Variants in RSPH9 observed in about 807,000 individuals in gnomAD.
The protein encoded by RSPH9 is radial spoke head protein 9 homolog.
Under a neutral mutation model 27.0 loss-of-function variants are expected in RSPH9, and 27 were observed. The ratio of observed to expected loss-of-function variants is 1.00; its 90% CI spans 0.74 to 1.38. RSPH9 has a LOEUF of 1.38. Among genes scored for constraint, RSPH9 ranks in the 40% most tolerant of loss-of-function variants. The pLI is 0.00. For missense variants in RSPH9, 347 were observed against 357.4 expected (o/e 0.97, Z 0.24); for synonymous variants, 145 against 147.7 (o/e 0.98, Z 0.13).
intron 4 of RSPH9, among the ~76,000 whole-genome samples, chr6:43,668,502 C>T (rs561263462): frequency 7.5e-4 from 114 of 152,298 alleles, no homozygotes; most frequent in African/African-American, 2.6e-3. Flanking sequence ...GCCAGTTTCT[C>T]CTTGCTCTCT....
chr6:43,667,211 T>C (rs1210298517), intron 4 of RSPH9, among the ~76,000 whole-genome samples: 1 of 151,996 alleles, frequency 6.6e-6, no homozygotes, highest in Non-Finnish European at 1.5e-5. Flanking sequence ...AAACAGAGGA[T>C]GGGAAAGGGA....
chr6:43,670,710 G>C (rs1773632391), intron 4 of RSPH9, 79 bp from the exon 5 acceptor site: 2 of 1,360,716 alleles, frequency 1.5e-6, no homozygotes, highest in African/African-American at 2.9e-5. Context: ...GCTGCCCAAG[G>C]AGCCAGGGGC....
chr6:43,660,039 C>CTTTTTTT (rs1163299257), intron 4 of RSPH9, among the ~76,000 whole-genome samples: 4 of 109,352 alleles, frequency 3.7e-5, no homozygotes, highest in Non-Finnish European at 3.7e-5. Flanking sequence ...CCAGCCTGGC[C>CTTTTTTT]TTTTTTTTTT....
At chr6:43,652,067 G>A (rs1172825465) in intron 2 of RSPH9, among the ~76,000 whole-genome samples, 1 of 151,710 alleles carries the variant, frequency 6.6e-6, no homozygotes, top group Non-Finnish European at 1.5e-5. Flanking sequence ...AGCACTTTGG[G>A]AGGCTGAGGC....
chr6:43,662,064 G>A (rs78323348), intron 4 of RSPH9, among the ~76,000 whole-genome samples: 5,662 of 152,060 alleles, frequency 0.037, 240 homozygotes, highest in East Asian at 0.21. Context: ...ATTTCTTGTA[G>A]ACACAGGGTC....
chr6:43,659,622 T>C (rs1772403261), intron 4 of RSPH9, among the ~76,000 whole-genome samples: 1 of 152,148 alleles, frequency 6.6e-6, no homozygotes, highest in African/African-American at 2.4e-5. Context: ...GACCTCGTGA[T>C]CCGCCTGCCT....
In RSPH9 at chr6:43,655,624, C is replaced by T. The variant is rs750609663; in HGVS notation, c.456C>T (p.Ala152=). 6.2e-7 allele frequency: 1 copy of T among 1,614,216 alleles called. No homozygotes were observed. The highest frequency in any genetic ancestry group is 2.2e-5 in the East Asian group (1 of 44,878). ...TTGACCAGATTGACAAGGCTGTGGCCATCATCCCCCGAGGCGCCCTCTTCA... is the reference window on the plus strand; with the variant it reads ...TTGACCAGATTGACAAGGCTGTGGCTATCATCCCCCGAGGCGCCCTCTTCA... ...SVIDQIDKAV[A]IIPRGALFKT... The change falls in exon 3 of 5, where the codon GCC becomes GCT. Residue 152 remains alanine, a synonymous_variant. Coordinates refer to ENST00000372163, the MANE Select transcript of RSPH9 (RefSeq NM_152732.5).
At chr6:43,647,321 G>A (rs1024064596) in intron 1 of RSPH9, among the ~76,000 whole-genome samples, 25 of 152,162 alleles carry the variant, frequency 1.6e-4, no homozygotes, top group Admixed American at 1.6e-3. Flanking sequence ...AGGCCATGAG[G>A]AGCTACTGAG....
In RSPH9 at chr6:43,670,783, T is replaced by C. The variant is rs1352803039; in HGVS notation, c.671-6T>C. 2 of 1,613,956 alleles carry C rather than the reference T, an allele frequency of 1.2e-6. No individual in the cohort carries two copies. The highest frequency in any genetic ancestry group is 2.2e-5 in the South Asian group (2 of 91,076). On this transcript the variant is annotated splice_polypyrimidine_tract_variant and splice_region_variant and intron_variant, in intron 4 of 4. Coordinates refer to ENST00000372163, the MANE Select transcript of RSPH9 (RefSeq NM_152732.5). ...CAGGCCTCACCTCCTGCCTGTCTTA[T>C]CTCAGGGTCCTGGAGCATCCAGATG...
chr6:43,657,784 T>TA (rs1772176864), intron 4 of RSPH9, among the ~76,000 whole-genome samples: 1 of 152,164 alleles, frequency 6.6e-6, no homozygotes, highest in South Asian at 2.1e-4. Context: ...TCCTCATTTC[T>TA]AAAAAGGGGA....
chr6:43,645,084 G>T lies in RSPH9; in HGVS notation c.-15G>T, dbSNP rs753520788. ...CCTAGCAACTCGACGGGCGTTGAGCGGAGCCGCTGACCTGATGGACGCCGA... is the reference window on the plus strand; with the variant it reads ...CCTAGCAACTCGACGGGCGTTGAGCTGAGCCGCTGACCTGATGGACGCCGA... On this transcript the variant is annotated 5_prime_UTR_variant, in exon 1 of 5. Coordinates refer to ENST00000372163, the MANE Select transcript of RSPH9 (RefSeq NM_152732.5). 2.8e-5 allele frequency: 45 copies of T among 1,607,186 alleles called. No homozygotes were observed. Among genetic ancestry groups the T allele is most frequent in the Non-Finnish European group, 3.6e-5 (42 of 1,178,368 alleles).
chr6:43,649,239 G>A (rs1771195001), intron 1 of RSPH9, among the ~76,000 whole-genome samples: 1 of 152,000 alleles, frequency 6.6e-6, no homozygotes, highest in African/African-American at 2.4e-5. Context: ...GCCCAGGCTG[G>A]ATTCCAATGG....
intron 4 of RSPH9, among the ~76,000 whole-genome samples, chr6:43,663,027 C>T (rs945011877): frequency 6.6e-6 from 1 of 151,496 alleles, no homozygotes; most frequent in Admixed American, 6.6e-5. Flanking sequence ...CAAACTCCTG[C>T]ACTCAAACAG....
chr6:43,658,914 C>A (rs529700856), intron 4 of RSPH9, among the ~76,000 whole-genome samples: 25 of 152,234 alleles, frequency 1.6e-4, no homozygotes, highest in Admixed American at 4.6e-4. Flanking sequence ...GTCTCGATTT[C>A]TTGACCTCGT....
At position 43,672,486 on chromosome 6, in the gene RSPH9, T is replaced by C. The variant is rs1352744033; in HGVS notation, c.*1537T>C. On this transcript the variant is annotated 3_prime_UTR_variant, in exon 5 of 5. Coordinates refer to ENST00000372163, the MANE Select transcript of RSPH9 (RefSeq NM_152732.5). The stretch of plus-strand genomic sequence containing the variant: ...GGTGGGGAAAGATGGCTGCCGCCCA[T>C]GGACCTTTGGCCTCCTTTGGGGATG... 2.1e-6 allele frequency: 1 copy of C among 468,044 alleles called. No homozygotes were observed. The highest frequency in any genetic ancestry group is 7.0e-5 in the East Asian group (1 of 14,308). The allele number at this position is 468,044 out of a possible 1,614,324, so 29.0% of individuals were successfully genotyped here.
chr6:43,662,577 C>T (rs1037837624), intron 4 of RSPH9, among the ~76,000 whole-genome samples: 1 of 152,048 alleles, frequency 6.6e-6, no homozygotes, highest in Non-Finnish European at 1.5e-5. Flanking sequence ...CCATGTTAGC[C>T]AGGATGGTCT....
chr6:43,651,526 G>A (rs1433724908), intron 2 of RSPH9, among the ~76,000 whole-genome samples: 1 of 152,036 alleles, frequency 6.6e-6, no homozygotes, highest in African/African-American at 2.4e-5. Flanking sequence ...CTATTTAGGG[G>A]ACATTAACTC....
At chr6:43,662,440 C>G (rs1288801796) in intron 4 of RSPH9, among the ~76,000 whole-genome samples, 1 of 151,462 alleles carries the variant, frequency 6.6e-6, no homozygotes, top group African/African-American at 2.4e-5. Flanking sequence ...AATCTCGGCT[C>G]ACTGCAAGCT....
chr6:43,645,391 G>GGGGGGGGGGGGGGGGGGGGC, intron 1 of RSPH9, 66 bp downstream of exon 1: 1 of 400,202 alleles, frequency 2.5e-6, no homozygotes, highest in Non-Finnish European at 5.0e-6. Context: ...GGGTGGGCGG[G>GGGGGGGGGGGGGGGGGGGGC]TCGCAGCAAT....
Sources: allele counts gnomAD v4.1 joint callset (sites outside exome capture counted in the v4.1 genomes callset), GRCh38; gene constraint gnomAD v4.1.1; transcripts MANE v1.5; gene names NCBI Gene and HGNC (gene_info 2026-07-23, HGNC 2026-07-21).